Variants in ETV1 observed in about 807,000 individuals in gnomAD.
The protein encoded by ETV1 is ETS variant transcription factor 1.
Under a neutral mutation model 62.3 loss-of-function variants are expected in ETV1, and 27 were observed. The observed-to-expected ratio is 0.43, with a 90% CI of 0.32 to 0.60. The LOEUF (loss-of-function observed/expected upper bound fraction) is 0.60. Among genes scored for constraint, ETV1 ranks in the 20% least tolerant of loss-of-function variants. The pLI is 0.06. For synonymous variants in ETV1, 222 were observed against 199.6 expected (o/e 1.11, Z -0.94); for missense variants, 605 against 605.8 (o/e 1.00, Z 0.01).
intron 13 of ETV1, among the ~76,000 whole-genome samples, chr7:13,899,346 T>C (rs998358924): frequency 2.0e-5 from 3 of 152,144 alleles, no homozygotes; most frequent in Non-Finnish European, 4.4e-5. Flanking sequence ...GAAGGCATGA[T>C]TGAGAAAACA....
intron 9 of ETV1, among the ~76,000 whole-genome samples, chr7:13,927,149 T>C (rs1355346144): frequency 6.6e-6 from 1 of 152,142 alleles, no homozygotes; most frequent in East Asian, 1.9e-4. Flanking sequence ...GTTAACTGAC[T>C]TAGAAAATGC....
chr7:13,975,149 A>G (rs1235108063), intron 6 of ETV1: 1 of 152,212 alleles, frequency 6.6e-6, no homozygotes, highest in Non-Finnish European at 1.5e-5. Flanking sequence ...CCCACTAACC[A>G]CATTTCGTGT....
intron 3 of ETV1, 148 bp downstream of exon 3, chr7:13,988,860 C>G (rs1457830747): frequency 6.3e-7 from 1 of 1,584,314 alleles, no homozygotes. Context: ...GACTGGGCTT[C>G]TAGAAGCAGA....
At chr7:13,905,118 A>G (rs1173135945) in intron 12 of ETV1, among the ~76,000 whole-genome samples, 1 of 151,780 alleles carries the variant, frequency 6.6e-6, no homozygotes, top group Non-Finnish European at 1.5e-5. Context: ...TTTATTTCAT[A>G]CTTTCAGTAC....
rs966313872 is a variant in ETV1, at chr7:13,893,631, G to GA, written c.*2234dup. On this transcript the variant is annotated 3_prime_UTR_variant, in exon 14 of 14. Transcript: ENST00000430479. ...GAAGAAAAAGGAGAAAAGAGAAAAA[G>GA]AAAAAAAAGGAACAAAAATGAATCC... The GA allele has an allele frequency of 1.6e-4, 37 of 231,304 alleles. No homozygotes were observed. Among genetic ancestry groups the GA allele is most frequent in the African/African-American group, 7.3e-4 (33 of 45,176 alleles). 14.3% of individuals were successfully genotyped at this position (231,304 alleles called of 1,614,324 possible).
chr7:13,895,307 T>C lies in ETV1; in HGVS notation c.*559A>G. The C allele has an allele frequency of 8.6e-6, 2 of 233,820 alleles. No individual in the cohort carries two copies. Among genetic ancestry groups the C allele is most frequent in the Non-Finnish European group, 1.7e-5 (2 of 118,222 alleles). 14.5% of individuals were successfully genotyped at this position (233,820 alleles called of 1,614,324 possible). A position where few individuals can be genotyped will look rare whatever the true frequency, so the allele number is the denominator to read the frequency against. On this transcript the variant is annotated 3_prime_UTR_variant, in exon 14 of 14. Transcript: ENST00000430479. ...GCAAAATAAAACAACAAACAGCAAA[T>C]GCAATCGCTAAATACCTTTTTACAA... is the stretch of plus-strand genomic sequence containing the variant.
chr7:13,988,107 C>G lies in ETV1; in HGVS notation c.112G>C (p.Asp38His). 1 of 1,612,100 alleles carries G rather than the reference C, an allele frequency of 6.2e-7. No homozygotes were observed. The highest frequency in any genetic ancestry group is 8.5e-7 in the Non-Finnish European group (1 of 1,178,218). The part of the protein sequence containing the change: ...NVRKRKFINR[D>H]LAHDSEELFQ... ...TCACCTTCTGAATCATGAGCCAGAT[C>G]TCTGTTAATGAATTTTCTTTTCCTG... Residue 38 changes from aspartate to histidine, a missense_variant, in exon 4 of 14, where the codon GAT (aspartate) becomes CAT (histidine). This residue lies in a region of ETV1 where 426 missense variants were observed against 377.8 expected (regional missense o/e 1.13). Coordinates refer to ENST00000430479, the MANE Select transcript of ETV1 (RefSeq NM_004956.5).
Position 13,918,741 on chromosome 7 carries a change from G to A in ETV1, c.803-7434C>T, listed in dbSNP as rs552267126. ...GACTGTGGTGGGGTGGGGGGACGGG[G>A]GAGGGATAGCATTGGGAGATATACC... On this transcript the variant is annotated intron_variant, in intron 9 of 13. Transcript: ENST00000430479. Among the ~76,000 whole-genome samples the A allele has an allele frequency of 3.5e-4, 53 of 151,662 alleles. No homozygotes were observed. The South Asian group carries it at 5.9e-3, about 17-fold the overall frequency.
At chr7:13,903,359 A>T (rs901730647) in intron 12 of ETV1, among the ~76,000 whole-genome samples, 35 of 152,228 alleles carry the variant, frequency 2.3e-4, no homozygotes, top group African/African-American at 8.4e-4. Flanking sequence ...ACCTGATAAC[A>T]ACAATCAGGG....
chr7:13,929,926 C>T (rs892262310), intron 9 of ETV1, among the ~76,000 whole-genome samples: 3 of 152,156 alleles, frequency 2.0e-5, no homozygotes, highest in African/African-American at 7.2e-5. Flanking sequence ...ACCAGGTAAT[C>T]TTATACGCAA....
chr7:13,988,054 A>G (rs1455373119), intron 4 of ETV1, 32 bp downstream of exon 4: 2 of 1,324,108 alleles, frequency 1.5e-6, no homozygotes, highest in Non-Finnish European at 2.2e-6. Flanking sequence ...GTAGGTAAAA[A>G]AATGGGGATT....
chr7:13,955,751 C>T (rs1789360958), intron 6 of ETV1, among the ~76,000 whole-genome samples: 1 of 152,104 alleles, frequency 6.6e-6, no homozygotes, highest in Non-Finnish European at 1.5e-5. Flanking sequence ...AGGATGTACT[C>T]CCAAGAAAAC....
intron 6 of ETV1, among the ~76,000 whole-genome samples, chr7:13,959,678 G>A (rs756824256): frequency 6.6e-6 from 1 of 151,904 alleles, no homozygotes; most frequent in African/African-American, 2.4e-5. Context: ...GAGGTCAGGA[G>A]TTCGAGACCA....
chr7:13,965,753 G>C (rs923800432), intron 6 of ETV1, among the ~76,000 whole-genome samples: 3 of 152,114 alleles, frequency 2.0e-5, no homozygotes, highest in African/African-American at 7.2e-5. Context: ...TCTGATAACT[G>C]AGATTTAGCT....
chr7:13,919,055 T>A (rs916223756), intron 9 of ETV1, among the ~76,000 whole-genome samples: 1 of 152,120 alleles, frequency 6.6e-6, no homozygotes. Flanking sequence ...TGAAGAAGTA[T>A]CTAGTCAAAA....
chr7:13,920,545 G>C (rs1224406859), intron 9 of ETV1, among the ~76,000 whole-genome samples: 1 of 151,918 alleles, frequency 6.6e-6, no homozygotes, highest in East Asian at 1.9e-4. Context: ...ATGCTTACAG[G>C]GCTCTGCCCC....
intron 12 of ETV1, among the ~76,000 whole-genome samples, chr7:13,903,182 C>T (rs532320760): frequency 6.6e-6 from 1 of 152,242 alleles, no homozygotes; most frequent in East Asian, 1.9e-4. Context: ...CAGTGACTTC[C>T]TTATATACGC....
At chr7:13,896,689 AAAG>A (rs1781814997) in intron 13 of ETV1, among the ~76,000 whole-genome samples, 1 of 120,728 alleles carries the variant, frequency 8.3e-6, no homozygotes, top group Non-Finnish European at 1.8e-5. Context: ...GAAAGAAAGA[AAAG>A]AGAGAGAGAA....
chr7:13,968,468 C>T (rs889572267), intron 6 of ETV1, among the ~76,000 whole-genome samples: 7 of 151,052 alleles, frequency 4.6e-5, no homozygotes, highest in Non-Finnish European at 1.0e-4. Context: ...GCATACTTTA[C>T]TAAAATCAAG....
Sources: gnomAD v4.1 joint callset for allele counts (sites outside exome capture counted in the v4.1 genomes callset) on GRCh38, gnomAD v4.1.1 for gene constraint, gnomAD v4.1.1 regional missense constraint, MANE v1.5 for transcripts, NCBI Gene and HGNC (gene_info 2026-07-23, HGNC 2026-07-21) for gene names.